The following ST8SIA6 variants were observed in gnomAD, a reference collection of about 807,000 sequenced individuals.
The protein encoded by ST8SIA6 is alpha-2,8-sialyltransferase 8F.
ST8SIA6 carries 39 observed loss-of-function variants against 33.6 expected under a neutral mutation model. The ratio of observed to expected loss-of-function variants is 1.16; its 90% CI spans 0.90 to 1.52. ST8SIA6 has a LOEUF of 1.52. Ranked by LOEUF, ST8SIA6 falls within the 40% of genes most tolerant of loss-of-function variation. The pLI is 0.00. For synonymous variants in ST8SIA6, 172 were observed against 167.2 expected (o/e 1.03, Z -0.22); for missense variants, 441 against 443.8 (o/e 0.99, Z 0.06).
intron 4 of ST8SIA6, among the ~76,000 whole-genome samples, chr10:17,339,644 A>G (rs1848610599): frequency 6.6e-6 from 1 of 151,952 alleles, no homozygotes; most frequent in Non-Finnish European, 1.5e-5. Context: ...TTCTTGCCTC[A>G]TTTGACATGT....
intron 2 of ST8SIA6, among the ~76,000 whole-genome samples, chr10:17,416,723 C>T (rs1044766331): frequency 1.3e-5 from 2 of 152,156 alleles, no homozygotes; most frequent in Admixed American, 6.6e-5. Context: ...AAGCCATGGC[C>T]CCATAAGTAG....
At chr10:17,338,504 C>G (rs891669672) in intron 4 of ST8SIA6, among the ~76,000 whole-genome samples, 6 of 152,198 alleles carry the variant, frequency 3.9e-5, no homozygotes, top group African/African-American at 1.4e-4. Flanking sequence ...GCCTGTTCCC[C>G]TTGGATGCTT....
At chr10:17,365,704 C>T (rs1322211085) in intron 3 of ST8SIA6, among the ~76,000 whole-genome samples, 2 of 152,170 alleles carry the variant, frequency 1.3e-5, no homozygotes, top group Admixed American at 6.5e-5. Context: ...CAAAGAGGGT[C>T]TTGAAAAATA....
At chr10:17,333,713 ATATATTTTTTT>A (rs1315389532) in intron 4 of ST8SIA6, among the ~76,000 whole-genome samples, 3 of 25,676 alleles carry the variant, frequency 1.2e-4, no homozygotes, top group African/African-American at 2.2e-4. Flanking sequence ...ATATATATAT[ATATATTTTTTT>A]TTTTTTTTTT....
At position 17,442,061 on chromosome 10, in the gene ST8SIA6, G is replaced by A. The variant is rs538068625; in HGVS notation, c.200+11498C>T. On this transcript the variant is annotated intron_variant, in intron 2 of 7. Coordinates refer to ENST00000377602, the MANE Select transcript of ST8SIA6 (RefSeq NM_001004470.3). ...TTTTTGTATTTTTAGTAGAGATGGG[G>A]TTTCCTCATGTTGGCCAGGCTGGTT... 5.3e-4 allele frequency among the ~76,000 whole-genome samples: 81 copies of A among 152,150 alleles called. 1 individual carries two copies. The highest frequency in any genetic ancestry group is 5.2e-3 in the Admixed American group (80 of 15,274).
intron 4 of ST8SIA6, among the ~76,000 whole-genome samples, chr10:17,352,965 A>T (rs74117641): frequency 0.027 from 4,107 of 151,610 alleles, 196 homozygotes; most frequent in African/African-American, 0.093. Context: ...TTCTTAAATT[A>T]AAAAAAAATA....
At chr10:17,337,409 G>A (rs889535046) in intron 4 of ST8SIA6, among the ~76,000 whole-genome samples, 54 of 152,060 alleles carry the variant, frequency 3.6e-4, no homozygotes, top group Non-Finnish European at 7.1e-4. Context: ...TACCAGAGTT[G>A]GTTTAGCCAT....
chr10:17,334,956 A>AG (rs1848457280), intron 4 of ST8SIA6, among the ~76,000 whole-genome samples: 2 of 152,154 alleles, frequency 1.3e-5, no homozygotes, highest in Admixed American at 1.3e-4. Flanking sequence ...ATCAACCTTA[A>AG]AGTCAAAGAG....
intron 2 of ST8SIA6, among the ~76,000 whole-genome samples, chr10:17,391,934 C>T (rs573995118): frequency 9.7e-4 from 148 of 152,174 alleles, no homozygotes; most frequent in Non-Finnish European, 1.4e-3. Flanking sequence ...TTGTAACATG[C>T]GTCACATATA....
In ST8SIA6 at chr10:17,315,827, T is replaced by C. The variant is rs181055238; in HGVS notation, c.*5051A>G. Reference sequence around the variant, plus strand: ...TAATGAATATATACATTGTCTTAATTGGAGAGACGGTTTCATGGGTATATG... The same window carrying C: ...TAATGAATATATACATTGTCTTAATCGGAGAGACGGTTTCATGGGTATATG... On this transcript the variant is annotated 3_prime_UTR_variant, in exon 8 of 8. Coordinates refer to ENST00000377602, the MANE Select transcript of ST8SIA6 (RefSeq NM_001004470.3). Among the ~76,000 whole-genome samples, 173 of 152,100 alleles carry C rather than the reference T, an allele frequency of 1.1e-3. 1 individual carries two copies. Among genetic ancestry groups the C allele is most frequent in the Non-Finnish European group, 1.7e-3 (114 of 67,888 alleles).
chr10:17,431,514 C>T (rs1462630858), intron 2 of ST8SIA6, among the ~76,000 whole-genome samples: 1 of 151,784 alleles, frequency 6.6e-6, no homozygotes, highest in Non-Finnish European at 1.5e-5. Flanking sequence ...AAATATAGCC[C>T]GCCTGGGCTA....
chr10:17,423,870 T>C (rs1273332704), intron 2 of ST8SIA6, among the ~76,000 whole-genome samples: 1 of 152,228 alleles, frequency 6.6e-6, no homozygotes, highest in African/African-American at 2.4e-5. Flanking sequence ...GCTCTGTAGA[T>C]AACTAAAGTG....
Position 17,320,917 on chromosome 10 carries a change from T to C in ST8SIA6, c.1158A>G (p.Gly386=), listed in dbSNP as rs756782197. 18 of 1,613,990 alleles carry C rather than the reference T, an allele frequency of 1.1e-5. 1 individual carries two copies. The highest frequency in any genetic ancestry group is 7.7e-5 in the South Asian group (7 of 91,084). ...ATTTGCTAAATTGCAGTTTGAGGAT[T>C]CCTTTCATGTGAAGTTGGAGGATCT... ...YSQILQLHMK[G]ILKLQFSKCE... is the part of the protein sequence containing the mutation. The change falls in exon 8 of 8, where the codon GGA becomes GGG. Residue 386 remains glycine, a synonymous_variant. Coordinates refer to ENST00000377602, the MANE Select transcript of ST8SIA6 (RefSeq NM_001004470.3).
intron 4 of ST8SIA6, among the ~76,000 whole-genome samples, chr10:17,356,982 T>C (rs1849214672): frequency 6.6e-6 from 1 of 152,212 alleles, no homozygotes; most frequent in African/African-American, 2.4e-5. Context: ...AGTGGATACT[T>C]ATAGAGATGA....
intron 4 of ST8SIA6, among the ~76,000 whole-genome samples, chr10:17,353,217 G>C (rs12256670): frequency 6.6e-6 from 1 of 152,042 alleles, no homozygotes; most frequent in Non-Finnish European, 1.5e-5. Flanking sequence ...ACCAAAGTCA[G>C]ACAATACTGT....
At chr10:17,390,107 C>T (rs754269469) in intron 3 of ST8SIA6, among the ~76,000 whole-genome samples, 6 of 152,182 alleles carry the variant, frequency 3.9e-5, no homozygotes, top group East Asian at 1.9e-4. Flanking sequence ...CTCCTGGCTC[C>T]GCCTCTTGAG....
chr10:17,327,073 C>T lies in ST8SIA6; in HGVS notation c.576G>A (p.Gly192=), dbSNP rs749516837. Residue 192 remains glycine (G), a synonymous_variant, in exon 6 of 8, where the codon GGG becomes GGA. Coordinates refer to ENST00000377602, the MANE Select transcript of ST8SIA6 (RefSeq NM_001004470.3). ...CACAGAGAGACTTATTCAGAATTCC[C>T]CCATTTCCGACCACTGCACACTGAT... ...PYNQCAVVGN[G]GILNKSLCGT... is the part of the protein sequence containing the mutation. 1 of 1,609,312 alleles carries T rather than the reference C, an allele frequency of 6.2e-7. No individual in the cohort carries two copies. Among genetic ancestry groups the T allele is most frequent in the Non-Finnish European group, 8.5e-7 (1 of 1,177,912 alleles).
At chr10:17,383,844 T>G (rs1457547989) in intron 3 of ST8SIA6, among the ~76,000 whole-genome samples, 2 of 152,232 alleles carry the variant, frequency 1.3e-5, no homozygotes, top group African/African-American at 4.8e-5. Context: ...TTGTTTTGTT[T>G]TTCAGACTCT....
intron 3 of ST8SIA6, among the ~76,000 whole-genome samples, chr10:17,373,401 C>T (rs1471540129): frequency 6.6e-6 from 1 of 152,142 alleles, no homozygotes; most frequent in African/African-American, 2.4e-5. Context: ...CATAACTTTT[C>T]CCCAAAACCT....
Sources: allele counts gnomAD v4.1 joint callset (sites outside exome capture counted in the v4.1 genomes callset), GRCh38; gene constraint gnomAD v4.1.1; transcripts MANE v1.5; gene names NCBI Gene and HGNC (gene_info 2026-07-23, HGNC 2026-07-21).